Variants in EHBP1 observed in about 807,000 individuals in gnomAD.
EHBP1 encodes the protein EH domain binding protein 1.
A neutral mutation model predicts 144.0 loss-of-function variants in EHBP1; 55 were observed. The ratio of observed to expected loss-of-function variants is 0.38; its 90% CI spans 0.31 to 0.48. The LOEUF is 0.48. Among genes scored for constraint, EHBP1 ranks in the 20% least tolerant of loss-of-function variants. The pLI is 0.98. For synonymous variants in EHBP1, 469 were observed against 472.7 expected, an observed-to-expected ratio of 0.99 and a Z score of 0.10; for missense variants, 1,200 against 1,364.2, an observed-to-expected ratio of 0.88 and a Z score of 1.90.
chr2:63,025,923 G>A (rs995632076), intron 19 of EHBP1, among the ~76,000 whole-genome samples: 11 of 152,196 alleles, frequency 7.2e-5, no homozygotes, highest in Non-Finnish European at 1.3e-4. Flanking sequence ...AAAGGGGAAT[G>A]TCTAATGGAG....
chr2:62,938,609 G>C (rs1350420081), intron 10 of EHBP1, among the ~76,000 whole-genome samples: 1 of 152,124 alleles, frequency 6.6e-6, no homozygotes, highest in East Asian at 1.9e-4. Context: ...ATATTTGCAA[G>C]TGTAGTTTTA....
At chr2:62,919,135 C>T (rs906493118) in intron 10 of EHBP1, among the ~76,000 whole-genome samples, 7 of 152,098 alleles carry the variant, frequency 4.6e-5, no homozygotes, top group South Asian at 2.1e-4. Flanking sequence ...TTCAAATATC[C>T]GAAATTTGTT....
intron 6 of EHBP1, among the ~76,000 whole-genome samples, chr2:62,827,094 C>G (rs1043691884): frequency 2.6e-5 from 4 of 152,162 alleles, no homozygotes; most frequent in African/African-American, 9.7e-5. Flanking sequence ...ATGTATTTGA[C>G]CTAGTGGAAG....
At position 62,948,597 on chromosome 2, in the gene EHBP1, G is replaced by A. The variant is rs1480033902; in HGVS notation, c.1751G>A (p.Ser584Asn). The A allele has an allele frequency of 6.2e-7, 1 of 1,613,980 alleles. No homozygotes were observed. Among genetic ancestry groups the A allele is most frequent in the Non-Finnish European group, 8.5e-7 (1 of 1,179,996 alleles). Residue 584 changes from serine to asparagine, a missense_variant, in exon 13 of 23, where the codon AGC (serine) becomes AAC (asparagine). By Grantham distance (46) the Ser-to-Asn change is conservative. Around this residue, in one of 6 missense-constraint regions of EHBP1, gnomAD observed 543 missense variants for 513.1 expected, o/e 1.06. Transcript: ENST00000431489. The part of the protein sequence containing the change: ...SQDDSVFVND[S>N]GVGESESEHQ... ...GATGACTCTGTATTTGTAAATGATA[G>A]CGGGGTTGGAGAGTCAGAAAGTGAG...
chr2:62,827,192 A>C (rs1303971840), intron 6 of EHBP1, among the ~76,000 whole-genome samples: 1 of 152,246 alleles, frequency 6.6e-6, no homozygotes, highest in Admixed American at 6.5e-5. Context: ...ACTCATCTAC[A>C]TGGCAACACA....
intron 19 of EHBP1, among the ~76,000 whole-genome samples, chr2:63,009,418 G>A (rs1196859704): frequency 6.6e-6 from 1 of 151,576 alleles, no homozygotes; most frequent in East Asian, 1.9e-4. Context: ...GGATAAACAT[G>A]CTGAGAAGAA....
At chr2:62,935,300 G>C (rs763624771) in intron 10 of EHBP1, among the ~76,000 whole-genome samples, 5 of 144,434 alleles carry the variant, frequency 3.5e-5, no homozygotes, top group African/African-American at 7.8e-5. Flanking sequence ...GTGCACTCCA[G>C]CCTGGGCGAC....
intron 10 of EHBP1, among the ~76,000 whole-genome samples, chr2:62,898,849 A>G (rs1245416143): frequency 6.6e-6 from 1 of 152,170 alleles, no homozygotes; most frequent in African/African-American, 2.4e-5. Flanking sequence ...GAGAAAGAGA[A>G]TGTAAGGATA....
intron 10 of EHBP1, among the ~76,000 whole-genome samples, chr2:62,897,559 A>G (rs1349624091): frequency 6.6e-6 from 1 of 152,210 alleles, no homozygotes; most frequent in Non-Finnish European, 1.5e-5. Context: ...GACTTAAAAA[A>G]TACTGTCTCT....
chr2:62,709,519 A>G (rs1425259251), intron 2 of EHBP1, among the ~76,000 whole-genome samples: 1 of 152,114 alleles, frequency 6.6e-6, no homozygotes, highest in Non-Finnish European at 1.5e-5. Context: ...CTGGAATTTT[A>G]TTTCCCTAGA....
In EHBP1 at chr2:62,943,833, A is replaced by G; in HGVS notation, c.1396A>G (p.Lys466Glu). ...CAAGTCTCTGAATCCTCAAGATATTAAAGAGAACAACAAAAAGGTAAGAAT... is the reference window on the plus strand; with the variant it reads ...CAAGTCTCTGAATCCTCAAGATATTGAAGAGAACAACAAAAAGGTAAGAAT... ...DYKSLNPQDI[K>E]ENNKKAYDGF... Residue 466 changes from lysine (K) to glutamate (E), a missense_variant, in exon 12 of 23, where the codon AAA becomes GAA. Lys to Glu is a moderately conservative substitution (Grantham distance 56). Coordinates refer to ENST00000431489, the MANE Select transcript of EHBP1 (RefSeq NM_001142616.3). 1 of 1,605,808 alleles carries G rather than the reference A, an allele frequency of 6.2e-7. No homozygotes were observed.
chr2:62,914,641 A>T (rs2054468713), intron 10 of EHBP1, among the ~76,000 whole-genome samples: 1 of 152,040 alleles, frequency 6.6e-6, no homozygotes, highest in Admixed American at 6.6e-5. Context: ...GATTGGGAGT[A>T]AGCTTGTAAT....
chr2:62,773,594 A>C, intron 5 of EHBP1, among the ~76,000 whole-genome samples: 1 of 152,084 alleles, frequency 6.6e-6, no homozygotes, highest in East Asian at 1.9e-4. Context: ...AATACCTGTA[A>C]TCCCAGCACT....
chr2:62,837,481 A>G (rs1264749921), intron 7 of EHBP1, among the ~76,000 whole-genome samples: 2 of 152,108 alleles, frequency 1.3e-5, no homozygotes, highest in East Asian at 3.8e-4. Context: ...TCAAATTCAC[A>G]CATAACAATA....
chr2:62,756,500 G>T (rs141186193), intron 3 of EHBP1, among the ~76,000 whole-genome samples: 2 of 152,150 alleles, frequency 1.3e-5, no homozygotes, highest in Admixed American at 1.3e-4. Context: ...TGCGCGTGTT[G>T]GCTCATGCCT....
intron 5 of EHBP1, among the ~76,000 whole-genome samples, chr2:62,800,480 G>T (rs1158568135): frequency 6.6e-6 from 1 of 152,060 alleles, no homozygotes; most frequent in Non-Finnish European, 1.5e-5. Flanking sequence ...AGATTTGCTG[G>T]TTAAATAATT....
rs536125550 is a variant in EHBP1, at chr2:62,948,301, G to A, written c.1455G>A (p.Leu485=). 6.0e-5 allele frequency: 95 copies of A among 1,589,676 alleles called. No homozygotes were observed. The East Asian group carries it at 2.1e-3, about 36-fold the overall frequency. ...GFASIGISRL[L]EPSDMVLLAI... Reference sequence around the variant, plus strand: ...CCAGCATAGGAATTTCCCGATTATTGGAACCTTCTGATATGGTATTATTAG... The same window carrying A: ...CCAGCATAGGAATTTCCCGATTATTAGAACCTTCTGATATGGTATTATTAG... The change falls in exon 13 of 23, where the codon TTG becomes TTA. Residue 485 remains leucine, a synonymous_variant. Transcript: ENST00000431489.
At chr2:62,719,825 G>A (rs1412764069) in intron 2 of EHBP1, among the ~76,000 whole-genome samples, 1 of 152,146 alleles carries the variant, frequency 6.6e-6, no homozygotes, top group Non-Finnish European at 1.5e-5. Flanking sequence ...TTTTATGTCA[G>A]GGACTTGAGC....
At chr2:62,736,956 C>T (rs1026224424) in intron 2 of EHBP1, among the ~76,000 whole-genome samples, 1 of 152,094 alleles carries the variant, frequency 6.6e-6, no homozygotes, top group African/African-American at 2.4e-5. Context: ...CTGTAGTAGG[C>T]CTTTAGTGAT....
Sources: gnomAD v4.1 joint callset for allele counts (sites outside exome capture counted in the v4.1 genomes callset) on GRCh38, gnomAD v4.1.1 for gene constraint, gnomAD v4.1.1 regional missense constraint, MANE v1.5 for transcripts, NCBI Gene and HGNC (gene_info 2026-07-23, HGNC 2026-07-21) for gene names.